Variants in MGAM observed in about 807,000 individuals in gnomAD.
MGAM encodes maltase-glucoamylase, also known as alpha-1,4-glucosidase.
Under a neutral mutation model 358.8 loss-of-function variants are expected in MGAM, and 253 were observed. The observed-to-expected ratio is 0.71, with a 90% confidence interval of 0.64 to 0.78. The LOEUF is 0.78. Ranked by LOEUF, MGAM falls within the 30% of genes least tolerant of loss-of-function variation. The pLI is 0.00. For synonymous variants in MGAM, 1,105 were observed against 1,227.1 expected, an observed-to-expected ratio of 0.90 and a Z score of 2.08; for missense variants, 3,080 against 3,432.6, an observed-to-expected ratio of 0.90 and a Z score of 2.57.
intron 2 of MGAM, among the ~76,000 whole-genome samples, chr7:141,988,640 C>T (rs1803814425): frequency 6.6e-6 from 1 of 152,164 alleles, no homozygotes; most frequent in African/African-American, 2.4e-5. Flanking sequence ...GCTGGGATTA[C>T]AGGCGTGAGC....
At chr7:142,093,786 C>T (rs1406324459) in intron 60 of MGAM, among the ~76,000 whole-genome samples, 1 of 145,960 alleles carries the variant, frequency 6.9e-6, no homozygotes, top group African/African-American at 2.4e-5. Context: ...GCTTAATGAT[C>T]CTAGTGGGAA....
intron 59 of MGAM, among the ~76,000 whole-genome samples, 151 bp downstream of exon 59, chr7:142,092,759 G>A (rs1490865931): frequency 2.0e-5 from 3 of 146,784 alleles, no homozygotes; most frequent in Non-Finnish European, 4.6e-5. Flanking sequence ...AGCTCTGCAC[G>A]CGCTTTACCC....
chr7:142,090,620 C>T lies in MGAM; in HGVS notation c.6811-1293C>T, dbSNP rs1585094936. On this transcript the variant is annotated intron_variant, in intron 57 of 70. Transcript: ENST00000475668. ...ATGTAGACATATGGGTTCCTACCTG[C>T]CTTTTGTCTATTGTGTGTAAGAACT... is the stretch of plus-strand genomic sequence containing the variant. 1.4e-5 allele frequency among the ~76,000 whole-genome samples: 2 copies of T among 145,692 alleles called. 1 individual carries two copies. Among genetic ancestry groups the T allele is most frequent in the South Asian group, 4.4e-4 (2 of 4,542 alleles).
chr7:142,045,368 T>TATATATTATATATCCCTATAATACATG (rs1810068274), intron 21 of MGAM, among the ~76,000 whole-genome samples: 1 of 96,724 alleles, frequency 1.0e-5, no homozygotes, highest in African/African-American at 3.9e-5. Context: ...TGATATATAA[T>TATATATTATATATCCCTATAATACATG]ATATATTATA....
intron 29 of MGAM, 34 bp from the exon 30 acceptor site, chr7:142,056,796 G>C (rs764676686): frequency 2.2e-5 from 36 of 1,604,434 alleles, no homozygotes; most frequent in Non-Finnish European, 2.9e-5. Flanking sequence ...CATGGAAGGT[G>C]TCCGTGAGGC....
intron 21 of MGAM, among the ~76,000 whole-genome samples, chr7:142,041,993 T>C (rs1563145370): frequency 1.4e-4 from 2 of 13,846 alleles, no homozygotes; most frequent in African/African-American, 2.6e-4. Context: ...ATATAATATA[T>C]ATATATTATA....
rs780477858 is a variant in MGAM, at chr7:142,068,702, C to T, written c.5060C>T (p.Thr1687Met). The T allele has an allele frequency of 2.1e-5, 32 of 1,517,410 alleles. 4 individuals carry two copies. The highest frequency in any genetic ancestry group is 6.8e-5 in the Admixed American group (4 of 58,420). The allele number at this position is 1,517,410 out of a possible 1,614,324, so 94.0% of individuals were successfully genotyped here. A position where few individuals can be genotyped will look rare whatever the true frequency, so the allele number is the denominator to read the frequency against. The change falls in exon 43 of 71, where the codon ACG becomes ATG. Residue 1687 changes from threonine to methionine, a missense_variant and splice_region_variant. Physicochemically the swap from Thr to Met is moderately conservative, Grantham distance 81. Coordinates refer to ENST00000475668, the MANE Select transcript of MGAM (RefSeq NM_001365693.1). ...AGAGCCCGTTGGTACGATTACTACA[C>T]GGTAAGTTTTTCTGAATGTTTATAT... ...FPRARWYDYYTGVDINARGEW... is the reference protein window; with the variant it reads ...FPRARWYDYYMGVDINARGEW...
In MGAM at chr7:142,105,902, C is replaced by A; in HGVS notation, c.*11C>A. 1 of 1,581,798 alleles carries A rather than the reference C, an allele frequency of 6.3e-7. No homozygotes were observed. The highest frequency in any genetic ancestry group is 8.7e-7 in the Non-Finnish European group (1 of 1,150,946). On this transcript the variant is annotated 3_prime_UTR_variant, in exon 71 of 71. Transcript: ENST00000475668. ...ATAAGCACTCTGTGAATTTTTACAG[C>A]AAGATTCTAACTAACTATGAATGAC...
intron 2 of MGAM, among the ~76,000 whole-genome samples, chr7:141,989,440 G>T (rs571704717): frequency 2.6e-5 from 4 of 152,180 alleles, no homozygotes; most frequent in Admixed American, 2.0e-4. Flanking sequence ...TCCAGATAAG[G>T]CAACTGAGCT....
At chr7:142,040,290 T>C (rs1808393793) in intron 20 of MGAM, 119 bp downstream of exon 20, 3 of 802,180 alleles carry the variant, frequency 3.7e-6, no homozygotes, top group Admixed American at 5.0e-5. Flanking sequence ...TTTAGTGTTT[T>C]CTGTAATTTC....
intron 1 of MGAM, among the ~76,000 whole-genome samples, chr7:141,998,949 A>C (rs782390921): frequency 6.6e-6 from 1 of 152,076 alleles, no homozygotes. Flanking sequence ...CCTAATTAAA[A>C]TTGCCACCCT....
At chr7:142,032,234 A>C (rs1807572282) in intron 13 of MGAM, among the ~76,000 whole-genome samples, 2 of 152,204 alleles carry the variant, frequency 1.3e-5, no homozygotes, top group African/African-American at 4.8e-5. Context: ...AATGTCTCAT[A>C]TGATGTCAGA....
At chr7:142,055,880 T>A in intron 28 of MGAM, 120 bp from the exon 29 acceptor site, 2 of 1,449,778 alleles carry the variant, frequency 1.4e-6, no homozygotes, top group Non-Finnish European at 1.9e-6. Flanking sequence ...ATGTGTTTAG[T>A]TTATGTGTCT....
chr7:142,012,581 G>A (rs956900189), intron 3 of MGAM, among the ~76,000 whole-genome samples: 4 of 152,160 alleles, frequency 2.6e-5, no homozygotes, highest in African/African-American at 4.8e-5. Context: ...CTTAGGGCAA[G>A]CTTCTCCATT....
chr7:142,053,997 C>G lies in MGAM; in HGVS notation c.3160-757C>G, dbSNP rs540509321. Among the ~76,000 whole-genome samples, 295 of 152,320 alleles carry G rather than the reference C, an allele frequency of 1.9e-3. 1 individual carries two copies. Among genetic ancestry groups the G allele is most frequent in the Middle Eastern group, 0.01 (3 of 294 alleles). On this transcript the variant is annotated intron_variant, in intron 26 of 70. Transcript: ENST00000475668. ...TGCCTCTTTCTGGCCCACTTTAATT[C>G]TCTCTGCCTTCGTGGTTGTTATTCT... is the stretch of plus-strand genomic sequence containing the variant.
chr7:142,076,757 T>A lies in MGAM; in HGVS notation c.5424T>A (p.Asn1808Lys). Residue 1808 changes from asparagine (N) to lysine (K), a missense_variant, in exon 47 of 71, where the codon AAT (asparagine) becomes AAA (lysine). Asn to Lys is a moderately conservative substitution (Grantham distance 94). Transcript: ENST00000475668. The stretch of plus-strand genomic sequence containing the variant: ...TTCTTGGGATGGAGGAACCTAGCAA[T>A]GTTACGGTGAAACACAATGGTGTCC... ...IKILGMEEPSNVTVKHNGVPS... is the reference protein window; with the variant it reads ...IKILGMEEPSKVTVKHNGVPS... The A allele has an allele frequency of 6.4e-7, 1 of 1,554,892 alleles. No homozygotes were observed. Among genetic ancestry groups the A allele is most frequent in the Non-Finnish European group, 8.8e-7 (1 of 1,131,216 alleles).
At chr7:142,102,982 G>C (rs1420541022) in intron 69 of MGAM, among the ~76,000 whole-genome samples, 1 of 152,176 alleles carries the variant, frequency 6.6e-6, no homozygotes, top group Non-Finnish European at 1.5e-5. Flanking sequence ...TGCACATTTT[G>C]GGATTCCTCC....
At chr7:141,997,158 G>A (rs1804311789) in intron 1 of MGAM, among the ~76,000 whole-genome samples, 1 of 152,178 alleles carries the variant, frequency 6.6e-6, no homozygotes, top group Middle Eastern at 3.4e-3. Context: ...AATCCCCATG[G>A]GTCTCCCTGA....
intron 21 of MGAM, among the ~76,000 whole-genome samples, chr7:142,043,569 T>C (rs1166013717): frequency 1.3e-5 from 1 of 78,992 alleles, no homozygotes; most frequent in African/African-American, 4.8e-5. Flanking sequence ...ATATTATATA[T>C]ACATATGATA....
Sources: allele counts gnomAD v4.1 joint callset (sites outside exome capture counted in the v4.1 genomes callset), GRCh38; gene constraint gnomAD v4.1.1; transcripts MANE v1.5; gene names NCBI Gene and HGNC (gene_info 2026-07-23, HGNC 2026-07-21).